Variants in AGBL4 observed in about 807,000 individuals in gnomAD.
AGBL4 encodes the protein AGBL carboxypeptidase 4.
AGBL4 carries 58 observed loss-of-function variants against 66.4 expected under a neutral mutation model. The observed-to-expected ratio is 0.87, with a 90% CI of 0.71 to 1.09. AGBL4 has a LOEUF of 1.09. Ranked by LOEUF, AGBL4 falls within the 50% of genes least tolerant of loss-of-function variation. The probability of loss-of-function intolerance (pLI) is 0.00; values close to 1 mark genes in which losing one functional copy is unlikely to be tolerated. For synonymous variants in AGBL4, 234 were observed against 222.9 expected, an observed-to-expected ratio of 1.05 and a Z score of -0.44; for missense variants, 579 against 631.0, an observed-to-expected ratio of 0.92 and a Z score of 0.88.
intron 3 of AGBL4, among the ~76,000 whole-genome samples, chr1:49,638,725 G>C (rs1433189732): frequency 6.6e-6 from 1 of 152,170 alleles, no homozygotes; most frequent in Non-Finnish European, 1.5e-5. Context: ...CTCCTTTGCT[G>C]TATGCTGTGA....
At chr1:49,529,587 G>A (rs1486236361) in intron 3 of AGBL4, among the ~76,000 whole-genome samples, 1 of 152,156 alleles carries the variant, frequency 6.6e-6, no homozygotes, top group Admixed American at 6.5e-5. Context: ...GCTGAGGTAT[G>A]AGAATCACTT....
rs549284535 is a variant in AGBL4 at position 49,748,903 on chromosome 1, A to G, written c.158-51466T>C. On this transcript the variant is annotated intron_variant, in intron 2 of 13. Transcript: ENST00000371839. The stretch of plus-strand genomic sequence containing the variant: ...TTTAGGTTCCTTGTAGATTCTGGAT[A>G]TTAGCCCTTTGTCAGATGGATAGAT... Among the ~76,000 whole-genome samples the G allele has an allele frequency of 2.6e-5, 4 of 152,216 alleles. No individual in the cohort carries two copies. The East Asian group carries it at 7.7e-4, about 29-fold the overall frequency.
intron 4 of AGBL4, among the ~76,000 whole-genome samples, chr1:49,053,902 A>C (rs1265008677): frequency 1.3e-5 from 2 of 152,184 alleles, no homozygotes; most frequent in African/African-American, 4.8e-5. Flanking sequence ...AGAAGACACA[A>C]ATCTGCTGAA....
chr1:49,961,025 AG>A (rs891559118), intron 1 of AGBL4, among the ~76,000 whole-genome samples: 1 of 152,108 alleles, frequency 6.6e-6, no homozygotes, highest in African/African-American at 2.4e-5. Flanking sequence ...GGAATAATAA[AG>A]TGCCTTCTGT....
chr1:49,253,710 C>CAA (rs779751943), intron 3 of AGBL4, among the ~76,000 whole-genome samples: 8 of 115,056 alleles, frequency 7.0e-5, no homozygotes, highest in Middle Eastern at 4.5e-3. Context: ...CTGGCAGAGA[C>CAA]AAAAAAAAAA....
chr1:49,730,064 G>A (rs529484088), intron 2 of AGBL4, among the ~76,000 whole-genome samples: 1 of 152,120 alleles, frequency 6.6e-6, no homozygotes, highest in African/African-American at 2.4e-5. Flanking sequence ...CTACAGCTGG[G>A]GCCTCCTGAT....
chr1:49,940,204 A>T (rs973119382), intron 1 of AGBL4, among the ~76,000 whole-genome samples: 1 of 152,198 alleles, frequency 6.6e-6, no homozygotes, highest in Non-Finnish European at 1.5e-5. Context: ...AGGAAACAAC[A>T]GGTGCTGGAG....
chr1:49,884,866 G>C (rs1647848246), intron 1 of AGBL4, among the ~76,000 whole-genome samples: 1 of 151,758 alleles, frequency 6.6e-6, no homozygotes, highest in Non-Finnish European at 1.5e-5. Context: ...TGTATCTATA[G>C]ATGTAGCATG....
chr1:48,594,430 T>G (rs1175642477), intron 9 of AGBL4, among the ~76,000 whole-genome samples: 1 of 152,252 alleles, frequency 6.6e-6, no homozygotes, highest in Non-Finnish European at 1.5e-5. Context: ...ATCGGATTGT[T>G]GGGCTTTATT....
intron 3 of AGBL4, among the ~76,000 whole-genome samples, chr1:49,419,573 A>G (rs1346005675): frequency 3.9e-5 from 6 of 152,190 alleles, no homozygotes; most frequent in Non-Finnish European, 7.3e-5. Flanking sequence ...GTAGGCATCT[A>G]TTCAACAAAT....
At chr1:49,849,420 AT>A (rs1557510686) in intron 2 of AGBL4, among the ~76,000 whole-genome samples, 57 of 132,648 alleles carry the variant, frequency 4.3e-4, no homozygotes, top group Non-Finnish European at 8.0e-4. Flanking sequence ...TATTATTATT[AT>A]TATTATTATT....
In AGBL4 at chr1:48,547,507, A is replaced by G. The variant is rs375690788; in HGVS notation, c.1268-7769T>C. Among the ~76,000 whole-genome samples, 47 of 152,226 alleles carry G rather than the reference A, an allele frequency of 3.1e-4. No individual in the cohort carries two copies. In the East Asian group the frequency reaches 8.5e-3, roughly 28 times the overall value. On this transcript the variant is annotated intron_variant, in intron 11 of 13. Coordinates refer to ENST00000371839, the MANE Select transcript of AGBL4 (RefSeq NM_032785.4). ...GCATATGAAAGAATGTGGCAGGAAT[A>G]GCTTCAGGGGAGAGATTAGGAGGTC...
At chr1:49,655,592 G>A (rs985549290) in intron 3 of AGBL4, among the ~76,000 whole-genome samples, 3 of 152,256 alleles carry the variant, frequency 2.0e-5, no homozygotes, top group African/African-American at 7.2e-5. Flanking sequence ...ATGCCTACAA[G>A]AGAAAGCAGG....
At chr1:49,519,187 T>C (rs1650065964) in intron 3 of AGBL4, among the ~76,000 whole-genome samples, 1 of 152,108 alleles carries the variant, frequency 6.6e-6, no homozygotes, top group Non-Finnish European at 1.5e-5. Flanking sequence ...ACCTGACTTA[T>C]GGCTATACCA....
chr1:49,887,549 A>G (rs1168337091), intron 1 of AGBL4, among the ~76,000 whole-genome samples: 3 of 152,154 alleles, frequency 2.0e-5, no homozygotes, highest in Non-Finnish European at 4.4e-5. Context: ...TATGCCATAA[A>G]CAATTGAAAT....
At chr1:48,572,372 C>A (rs143830843) in intron 11 of AGBL4, among the ~76,000 whole-genome samples, 1 of 151,734 alleles carries the variant, frequency 6.6e-6, no homozygotes, top group Non-Finnish European at 1.5e-5. Flanking sequence ...TAGTGCAATG[C>A]ATTTCCACTA....
intron 1 of AGBL4, chr1:49,996,083 T>C (rs1213917092): frequency 1.3e-5 from 2 of 152,076 alleles, no homozygotes; most frequent in Non-Finnish European, 2.9e-5. Context: ...GTCAAATATC[T>C]TCCCCCTGAC....
chr1:48,622,344 A>G (rs1645426968), intron 9 of AGBL4, among the ~76,000 whole-genome samples: 1 of 151,904 alleles, frequency 6.6e-6, no homozygotes. Context: ...CTTTACCCAC[A>G]TGGTACCCGG....
chr1:48,538,363 T>C (rs1216417773), intron 12 of AGBL4, among the ~76,000 whole-genome samples: 1 of 152,226 alleles, frequency 6.6e-6, no homozygotes, highest in Non-Finnish European at 1.5e-5. Flanking sequence ...CTTGTATCCA[T>C]TCTACAAAAC....
Sources: allele counts gnomAD v4.1 joint callset (sites outside exome capture counted in the v4.1 genomes callset), GRCh38; gene constraint gnomAD v4.1.1; transcripts MANE v1.5; gene names NCBI Gene and HGNC (gene_info 2026-07-23, HGNC 2026-07-21).